STAG1: variants seen among roughly 807,000 people sequenced by gnomAD.
The protein encoded by STAG1 is cohesin subunit SA-1.
Under a neutral mutation model 170.9 loss-of-function variants are expected in STAG1, and 26 were observed. The ratio of observed to expected loss-of-function variants is 0.15; its 90% CI spans 0.11 to 0.21. STAG1 has a LOEUF of 0.21. STAG1 is among the 10% of genes least tolerant of loss of function. The probability of loss-of-function intolerance (pLI) is 1.00; values close to 1 mark genes in which losing one functional copy is unlikely to be tolerated. For missense variants in STAG1, 964 were observed against 1,509.5 expected, an observed-to-expected ratio of 0.64 and a Z score of 5.99; for synonymous variants, 514 against 497.7, an observed-to-expected ratio of 1.03 and a Z score of -0.44.
chr3:136,443,515 G>T, intron 14 of STAG1, 111 bp from the exon 15 acceptor site: 1 of 758,014 alleles, frequency 1.3e-6, no homozygotes, highest in Non-Finnish European at 2.1e-6. Flanking sequence ...TGGTTTCCAT[G>T]ATTCTAAAAA....
At chr3:136,492,427 T>TATTTATTTTAATAA (rs1200693607) in intron 9 of STAG1, among the ~76,000 whole-genome samples, 1 of 152,182 alleles carries the variant, frequency 6.6e-6, no homozygotes, top group African/African-American at 2.4e-5. Flanking sequence ...ATACTGGTGT[T>TATTTATTTTAATAA]ACAGACTGAC....
intron 1 of STAG1, among the ~76,000 whole-genome samples, chr3:136,674,792 TG>T (rs574128539): frequency 3.0e-4 from 46 of 152,342 alleles, no homozygotes; most frequent in Non-Finnish European, 5.9e-4. Flanking sequence ...TCAATAAAGC[TG>T]TTTTTTAAAA....
chr3:136,386,032 T>C (rs948509311), intron 22 of STAG1, among the ~76,000 whole-genome samples: 77 of 152,220 alleles, frequency 5.1e-4, no homozygotes, highest in Non-Finnish European at 3.2e-4. Flanking sequence ...ACAAATTAAG[T>C]TGACGTTTTT....
chr3:136,471,485 A>C (rs1013881981), intron 12 of STAG1, among the ~76,000 whole-genome samples: 2 of 152,190 alleles, frequency 1.3e-5, no homozygotes, highest in African/African-American at 4.8e-5. Context: ...ATATATTATA[A>C]AGCCACAATA....
chr3:136,505,430 G>C (rs551965993), intron 7 of STAG1, among the ~76,000 whole-genome samples: 2 of 152,302 alleles, frequency 1.3e-5, no homozygotes, highest in South Asian at 2.1e-4. Flanking sequence ...AAAACATTTA[G>C]AAGTTTTTAT....
At chr3:136,519,787 C>A (rs1458951410) in intron 7 of STAG1, among the ~76,000 whole-genome samples, 2 of 151,896 alleles carry the variant, frequency 1.3e-5, no homozygotes, top group Non-Finnish European at 2.9e-5. Flanking sequence ...GGTAAAAAAT[C>A]TTTTTCTTCC....
chr3:136,371,499 T>G (rs908763796), intron 23 of STAG1, among the ~76,000 whole-genome samples: 11 of 152,260 alleles, frequency 7.2e-5, no homozygotes, highest in African/African-American at 2.4e-4. Context: ...GTCTGACATG[T>G]AAGTCTTTAA....
chr3:136,469,273 A>G (rs559818700), intron 12 of STAG1, among the ~76,000 whole-genome samples: 22 of 152,332 alleles, frequency 1.4e-4, no homozygotes, highest in East Asian at 3.9e-4. Context: ...GCTGATAAGC[A>G]ACTTCAGCAA....
chr3:136,617,939 A>C (rs1456354773), intron 3 of STAG1, among the ~76,000 whole-genome samples: 2 of 152,178 alleles, frequency 1.3e-5, no homozygotes, highest in Non-Finnish European at 2.9e-5. Flanking sequence ...TGACCTGTTA[A>C]CTTACCCTTC....
At chr3:136,746,884 G>A (rs1173084784) in intron 1 of STAG1, among the ~76,000 whole-genome samples, 1 of 152,014 alleles carries the variant, frequency 6.6e-6, no homozygotes, top group African/African-American at 2.4e-5. Flanking sequence ...ATCACCTGAG[G>A]TCAGGAGTTC....
intron 1 of STAG1, among the ~76,000 whole-genome samples, chr3:136,744,035 T>C (rs760806119): frequency 2.6e-5 from 4 of 152,162 alleles, no homozygotes; most frequent in African/African-American, 7.2e-5. Flanking sequence ...GGTACAAAAA[T>C]ACAAGGATTT....
chr3:136,640,698 G>C (rs1434640210), intron 1 of STAG1, among the ~76,000 whole-genome samples: 1 of 144,856 alleles, frequency 6.9e-6, no homozygotes, highest in East Asian at 2.0e-4. Context: ...TTTTTAGACA[G>C]AGTCTTGCTC....
chr3:136,634,212 C>T (rs926819653), intron 1 of STAG1, among the ~76,000 whole-genome samples: 2 of 151,676 alleles, frequency 1.3e-5, no homozygotes, highest in Non-Finnish European at 2.9e-5. Flanking sequence ...ACTAACCAGG[C>T]GTGGTGGCAC....
chr3:136,444,574 T>C (rs535454684), intron 14 of STAG1, among the ~76,000 whole-genome samples: 1 of 152,226 alleles, frequency 6.6e-6, no homozygotes, highest in Non-Finnish European at 1.5e-5. Context: ...TCTTGGGTTA[T>C]TAAACCAATT....
chr3:136,476,946 A>T (rs1394094), intron 10 of STAG1, among the ~76,000 whole-genome samples: 83,297 of 151,470 alleles, frequency 0.55, 26,311 homozygotes, highest in East Asian at 0.8. Context: ...AATTTTTTTT[A>T]AAAAAAAGCT....
chr3:136,532,290 T>A (rs573427699), intron 6 of STAG1, among the ~76,000 whole-genome samples: 32 of 152,286 alleles, frequency 2.1e-4, no homozygotes, highest in South Asian at 4.2e-4. Context: ...AATTTTTGTA[T>A]CTAACTTCAT....
At chr3:136,583,404 A>AT (rs994449779) in intron 4 of STAG1, among the ~76,000 whole-genome samples, 1 of 152,154 alleles carries the variant, frequency 6.6e-6, no homozygotes, top group Non-Finnish European at 1.5e-5. Flanking sequence ...TTTATCATGA[A>AT]TTTTTTTAAT....
chr3:136,606,565 T>A (rs1324590943), intron 3 of STAG1, among the ~76,000 whole-genome samples: 1 of 152,192 alleles, frequency 6.6e-6, no homozygotes, highest in Non-Finnish European at 1.5e-5. Flanking sequence ...TCAATCATCA[T>A]GTCTTCCTAA....
chr3:136,662,422 G>A (rs1278124955), intron 1 of STAG1, among the ~76,000 whole-genome samples: 1 of 152,116 alleles, frequency 6.6e-6, no homozygotes, highest in Non-Finnish European at 1.5e-5. Context: ...AAAGTGCTGG[G>A]ATTACAGGCA....
Sources: gnomAD v4.1 joint callset for allele counts (sites outside exome capture counted in the v4.1 genomes callset) on GRCh38, gnomAD v4.1.1 for gene constraint, MANE v1.5 for transcripts, NCBI Gene and HGNC (gene_info 2026-07-23, HGNC 2026-07-21) for gene names.